PROM2: variants seen among roughly 807,000 people sequenced by gnomAD.
PROM2 encodes the protein prominin 2.
PROM2 carries 90 observed loss-of-function variants against 110.2 expected under a neutral mutation model. The observed-to-expected ratio is 0.82, with a 90% CI of 0.69 to 0.97. PROM2 has a LOEUF of 0.97. Ranked by LOEUF, PROM2 falls within the 50% of genes least tolerant of loss-of-function variation. PROM2 has a pLI of 0.00. For missense variants in PROM2, 1,009 were observed against 1,074.8 expected (o/e 0.94, Z 0.86); for synonymous variants, 470 against 467.8 (o/e 1.00, Z -0.06).
At position 95,282,125 on chromosome 2, in the gene PROM2, C is replaced by T. The variant is rs375315891; in HGVS notation, c.1644-17C>T. 5.6e-6 allele frequency: 9 copies of T among 1,613,180 alleles called. No individual in the cohort carries two copies. The African/African-American group carries it at 1.2e-4, about 22-fold the overall frequency. ...CACCCCCAAGGCTCATCGTCTGCAC[C>T]CCTCACTCCTCCTCAGGCAGTGCAA... On this transcript the variant is annotated splice_polypyrimidine_tract_variant and intron_variant, in intron 13 of 23. Transcript: ENST00000317620.
Position 95,279,875 on chromosome 2 carries a change from G to A in PROM2, c.1305G>A (p.Val435=), listed in dbSNP as rs1427865143. 2.6e-6 allele frequency: 4 copies of A among 1,537,018 alleles called. No individual in the cohort carries two copies. Among genetic ancestry groups the A allele is most frequent in the Non-Finnish European group, 3.5e-6 (4 of 1,138,800 alleles). The change falls in exon 11 of 24, where the codon GTG becomes GTA. Residue 435 remains valine (V), a synonymous_variant. Coordinates refer to ENST00000317620, the MANE Select transcript of PROM2 (RefSeq NM_001165978.3). ...RWIVGCVLCS[V]VLFVVLCNLL... ...TCGTGGGCTGCGTGCTGTGCTCCGT[G>A]GTCCTATTCGTGGTGCTCTGCAACC... is the stretch of plus-strand genomic sequence containing the variant.
Position 95,274,728 on chromosome 2 carries a change from G to C in PROM2, c.143G>C (p.Arg48Pro), listed in dbSNP as rs760200490. 34 of 1,612,058 alleles carry C rather than the reference G, an allele frequency of 2.1e-5. No homozygotes were observed. The Admixed American group carries it at 5.7e-4, about 27-fold the overall frequency. The part of the protein sequence containing the change: ...HLTFTPAARA[R>P]WLAPRVRAPG... ...ACATTCACCCCAGCAGCCAGGGCCC[G>C]GTGGCTGGCCCCTCGAGTTCGTGCG... The change falls in exon 1 of 24, where the codon CGG becomes CCG. Residue 48 changes from arginine to proline, a missense_variant. Arg to Pro is a moderately radical substitution (Grantham distance 103). Transcript: ENST00000317620.
intron 12 of PROM2, 68 bp downstream of exon 12, chr2:95,281,433 G>C: frequency 6.6e-7 from 1 of 1,503,880 alleles, no homozygotes; most frequent in Non-Finnish European, 8.9e-7. Flanking sequence ...CAGAGCAGGA[G>C]GGTTGGGGGA....
rs759641711 is a variant in PROM2 at position 95,277,326 on chromosome 2, A to G, written c.773-38A>G. 12 of 1,569,092 alleles carry G rather than the reference A, an allele frequency of 7.6e-6. No homozygotes were observed. In the Admixed American group the frequency reaches 2.2e-4, roughly 28 times the overall value. On this transcript the variant is annotated intron_variant, in intron 6 of 23. Coordinates refer to ENST00000317620, the MANE Select transcript of PROM2 (RefSeq NM_001165978.3). ...TCCTGCAAGGCGTCTGGGGATGCAT[A>G]TGGTGGACCCTGCTCAGGCTGGGTG...
At chr2:95,283,820 A>G (rs1573457382) in intron 14 of PROM2, among the ~76,000 whole-genome samples, 1 of 150,424 alleles carries the variant, frequency 6.6e-6, no homozygotes, top group African/African-American at 2.4e-5. Context: ...CACACAGCTA[A>G]CAAACTTGTC....
At position 95,285,044 on chromosome 2, in the gene PROM2, G is replaced by A. The variant is rs761124698; in HGVS notation, c.1804G>A (p.Ala602Thr). 19 of 1,595,630 alleles carry A rather than the reference G, an allele frequency of 1.2e-5. No individual in the cohort carries two copies. The highest frequency in any genetic ancestry group is 9.1e-5 in the East Asian group (4 of 44,178). ...GAGCCTGGACCTGCTGAGCTCAGCC[G>A]CCCGCCGGGACCTGGAGGCCCTGCA... Reference protein sequence around the residue: ...TQSLDLLSSAARRDLEALQSS... With the variant: ...TQSLDLLSSATRRDLEALQSS... The change falls in exon 15 of 24, where the codon GCC becomes ACC. Residue 602 changes from alanine to threonine, a missense_variant. Coordinates refer to ENST00000317620, the MANE Select transcript of PROM2 (RefSeq NM_001165978.3).
At chr2:95,278,879 G>A in intron 9 of PROM2, 95 bp downstream of exon 9, 1 of 1,606,414 alleles carries the variant, frequency 6.2e-7, no homozygotes, top group Non-Finnish European at 8.5e-7. Context: ...GGTGGCGGGG[G>A]ACTGTCTTCC....
rs370908025 is a variant in PROM2 at position 95,277,534 on chromosome 2, C to G, written c.943C>G (p.Arg315Gly). 6.3e-7 allele frequency: 1 copy of G among 1,597,400 alleles called. No individual in the cohort carries two copies. Among genetic ancestry groups the G allele is most frequent in the Non-Finnish European group, 8.5e-7 (1 of 1,172,304 alleles). The stretch of plus-strand genomic sequence containing the variant: ...TTGTGCAGGGGCCCTGAGCTGGGCC[C>G]GCACCCTGGAGCTGGGTGCTGACTT... ...GDCAGALSWA[R>G]TLELGADFSQ... The change falls in exon 7 of 24, where the codon CGC becomes GGC. Residue 315 changes from arginine (R) to glycine (G), a missense_variant. Arg to Gly is a moderately radical substitution (Grantham distance 125). Coordinates refer to ENST00000317620, the MANE Select transcript of PROM2 (RefSeq NM_001165978.3).
chr2:95,284,033 G>A (rs933128016), intron 14 of PROM2, among the ~76,000 whole-genome samples: 2 of 152,224 alleles, frequency 1.3e-5, no homozygotes, highest in Non-Finnish European at 2.9e-5. Context: ...ATTTCAGGTG[G>A]CCAGGGAAGG....
rs76720500 is a variant in PROM2, at chr2:95,276,223, A to G, written c.498-4A>G. ...GCACCTTCCTCCTCCCTCCATTCCC[A>G]CAGGATTGGTGTGGTCTGTGCCTTT... On this transcript the variant is annotated splice_region_variant and splice_polypyrimidine_tract_variant and intron_variant, in intron 3 of 23. Coordinates refer to ENST00000317620, the MANE Select transcript of PROM2 (RefSeq NM_001165978.3). This position sits in a 1 kb window ranked among gnomAD's most constrained non-coding sequence, Gnocchi z 4.6. 1.2e-4 allele frequency: 189 copies of G among 1,613,696 alleles called. 1 individual carries two copies. In the African/African-American group the frequency reaches 2.1e-3, roughly 18 times the overall value.
rs1158380361 is a variant in PROM2, at chr2:95,275,603, C to T, written c.294+93C>T. 12 of 1,489,248 alleles carry T rather than the reference C, an allele frequency of 8.1e-6. No homozygotes were observed. Among genetic ancestry groups the T allele is most frequent in the Middle Eastern group, 1.9e-4 (1 of 5,272 alleles). 92.3% of individuals were successfully genotyped at this position (1,489,248 alleles called of 1,614,324 possible). On this transcript the variant is annotated intron_variant, in intron 2 of 23. Coordinates refer to ENST00000317620, the MANE Select transcript of PROM2 (RefSeq NM_001165978.3). The surrounding 1 kb of genome is among the most constrained non-coding windows in gnomAD (Gnocchi z 4.4). Reference sequence around the variant, plus strand: ...AGCCTTGGCTCCCCTTAGCCCACCTCGCTGGGTGTCCACTAGGCAGGGGCT... The same window carrying T: ...AGCCTTGGCTCCCCTTAGCCCACCTTGCTGGGTGTCCACTAGGCAGGGGCT...
Position 95,275,253 on chromosome 2 carries a change from C to G in PROM2, c.245-208C>G, listed in dbSNP as rs1676577258. ...TGTAGGGTCCAGGAGGAGAGGTCTGCAGCCTCCTCTCTGCTCGCCCTCCTG... is the reference window on the plus strand; with the variant it reads ...TGTAGGGTCCAGGAGGAGAGGTCTGGAGCCTCCTCTCTGCTCGCCCTCCTG... On this transcript the variant is annotated intron_variant, in intron 1 of 23. Coordinates refer to ENST00000317620, the MANE Select transcript of PROM2 (RefSeq NM_001165978.3). This position sits in a 1 kb window ranked among gnomAD's most constrained non-coding sequence, Gnocchi z 4.4. 6.6e-6 allele frequency among the ~76,000 whole-genome samples: 1 copy of G among 152,238 alleles called. No individual in the cohort carries two copies. Among genetic ancestry groups the G allele is most frequent in the Admixed American group, 6.5e-5 (1 of 15,284 alleles).
At chr2:95,278,599 A>C (rs1676820711) in intron 8 of PROM2, 122 bp from the exon 9 acceptor site, 1 of 1,144,098 alleles carries the variant, frequency 8.7e-7, no homozygotes, top group Non-Finnish European at 1.3e-6. Context: ...AGCGACCAAG[A>C]GAAAAGAGGG....
At position 95,291,214 on chromosome 2, in the gene PROM2, T is replaced by C. The variant is rs1285693699; in HGVS notation, c.*2001T>C. 6.6e-6 allele frequency: 1 copy of C among 152,188 alleles called. No individual in the cohort carries two copies. Among genetic ancestry groups the C allele is most frequent in the Non-Finnish European group, 1.5e-5 (1 of 68,036 alleles). 9.4% of individuals were successfully genotyped at this position (152,188 alleles called of 1,614,324 possible). A position where few individuals can be genotyped will look rare whatever the true frequency, so the allele number is the denominator to read the frequency against. On this transcript the variant is annotated 3_prime_UTR_variant, in exon 24 of 24. Coordinates refer to ENST00000317620, the MANE Select transcript of PROM2 (RefSeq NM_001165978.3). ...TCTTTTTGCTTTTCCTAGAGGTTTT[T>C]TTTTTGCTTGTTACTCATCTGTTGA...
chr2:95,287,079 A>T, intron 18 of PROM2, 54 bp from the exon 19 acceptor site: 1 of 1,512,362 alleles, frequency 6.6e-7, no homozygotes, highest in Non-Finnish European at 9.2e-7. Flanking sequence ...GTGTTGAATT[A>T]ATGAATGGAT....
chr2:95,280,151 C>G (rs1396284026), intron 11 of PROM2, among the ~76,000 whole-genome samples, 154 bp downstream of exon 11: 1 of 152,154 alleles, frequency 6.6e-6, no homozygotes, highest in Non-Finnish European at 1.5e-5. Flanking sequence ...ACAAGGAGCT[C>G]TTCCTTCCTA....
Position 95,276,266 on chromosome 2 carries a change from G to A in PROM2, c.537G>A (p.Thr179=), listed in dbSNP as rs374813246. ...GTGCCTTTGTCACCAACCAGCGCAC[G>A]CATGAACAGATGGGCCCCAGCATCG... The part of the protein sequence containing the change: ...VVCAFVTNQR[T]HEQMGPSIEA... The change falls in exon 4 of 24, where the codon ACG becomes ACA. Residue 179 remains threonine (T), a synonymous_variant. Coordinates refer to ENST00000317620, the MANE Select transcript of PROM2 (RefSeq NM_001165978.3). The surrounding 1 kb of genome is among the most constrained non-coding windows in gnomAD (Gnocchi z 4.6). The A allele has an allele frequency of 4.9e-5, 79 of 1,613,800 alleles. No homozygotes were observed. The highest frequency in any genetic ancestry group is 5.9e-5 in the Non-Finnish European group (70 of 1,180,050).
At chr2:95,286,346 G>A in intron 16 of PROM2, 133 bp from the exon 17 acceptor site, 1 of 694,978 alleles carries the variant, frequency 1.4e-6, no homozygotes, top group Non-Finnish European at 2.5e-6. Context: ...TCAGGCCCTG[G>A]AGCTTAAGGA....
In PROM2 at chr2:95,275,362, C is replaced by A; in HGVS notation, c.245-99C>A. 1 of 1,197,168 alleles carries A rather than the reference C, an allele frequency of 8.4e-7. No homozygotes were observed. The highest frequency in any genetic ancestry group is 1.2e-6 in the Non-Finnish European group (1 of 838,952). The allele number at this position is 1,197,168 out of a possible 1,614,324, so 74.2% of individuals were successfully genotyped here. A position where few individuals can be genotyped will look rare whatever the true frequency, so the allele number is the denominator to read the frequency against. On this transcript the variant is annotated intron_variant, in intron 1 of 23. Coordinates refer to ENST00000317620, the MANE Select transcript of PROM2 (RefSeq NM_001165978.3). The surrounding 1 kb of genome is among the most constrained non-coding windows in gnomAD (Gnocchi z 4.4). Reference sequence around the variant, plus strand: ...AGGGTGCCATGGTGGTGGCAGGAGCCCTGCCTCAGAGCCACTTTGCCCTGG... The same window carrying A: ...AGGGTGCCATGGTGGTGGCAGGAGCACTGCCTCAGAGCCACTTTGCCCTGG...
Sources: gnomAD v4.1 joint callset for allele counts (sites outside exome capture counted in the v4.1 genomes callset) on GRCh38, gnomAD v4.1.1 for gene constraint, Gnocchi (gnomAD v3.1) non-coding constraint, MANE v1.5 for transcripts, NCBI Gene and HGNC (gene_info 2026-07-23, HGNC 2026-07-21) for gene names.